ZNF185: variants seen among roughly 807,000 people sequenced by gnomAD.
ZNF185 encodes the protein zinc finger protein 185.
ZNF185 carries 56 observed loss-of-function variants against 58.6 expected under a neutral mutation model. That is an observed-to-expected ratio of 0.95 (90% CI 0.77 to 1.19). The LOEUF is 1.19. ZNF185 is among the 50% of genes most tolerant of loss of function. The probability of loss-of-function intolerance (pLI) is 0.00; values close to 1 mark genes in which losing one functional copy is unlikely to be tolerated. For missense variants in ZNF185, 627 were observed against 573.5 expected (o/e 1.09, Z -0.95); for synonymous variants, 230 against 215.9 (o/e 1.07, Z -0.57).
the ZNF185 span, among the ~76,000 whole-genome samples, chrX:152,899,079 T>C: frequency 1.8e-5 from 2 of 111,235 alleles, no homozygotes; most frequent in Admixed American, 9.4e-5. Flanking sequence ...ATCTGAGGCA[T>C]GGTAGGAGTT....
At chrX:152,965,670 C>T in intron 19 of ZNF185, 143 bp downstream of exon 21, 1 of 483,387 alleles carries the variant, frequency 2.1e-6, no homozygotes, top group African/African-American at 2.4e-5. Context: ...GATGTAGTTG[C>T]CCTCTGATGG....
intron 1 of ZNF185, 37 bp from the exon 3 acceptor site, chrX:152,914,673 A>G (rs1569490073): frequency 8.4e-7 from 1 of 1,194,186 alleles, no homozygotes; most frequent in Non-Finnish European, 1.1e-6. Context: ...CTGGGGCTGC[A>G]TTCCTCTTCT....
the ZNF185 span, among the ~76,000 whole-genome samples, chrX:152,903,388 C>CAAAAAAAAA: frequency 2.2e-4 from 8 of 35,861 alleles, no homozygotes; most frequent in African/African-American, 1.0e-3. Flanking sequence ...AGACTCGTCT[C>CAAAAAAAAA]AAAAAAAAAA....
intron 6 of ZNF185, 85 bp downstream of exon 7, chrX:152,918,239 C>T (rs1358240719): frequency 8.9e-5 from 95 of 1,063,655 alleles, no homozygotes; most frequent in Non-Finnish European, 1.2e-4. Flanking sequence ...CAGCTGACTA[C>T]TTGCCACCGA....
intron 16 of ZNF185, among the ~76,000 whole-genome samples, chrX:152,955,098 G>A (rs782129567): frequency 2.7e-5 from 3 of 111,826 alleles, no homozygotes; most frequent in South Asian, 3.7e-4. Context: ...AAGTATGGCC[G>A]CTGGGATTGG....
intron 17 of ZNF185, among the ~76,000 whole-genome samples, chrX:152,962,255 G>T (rs1190673897): frequency 9.0e-6 from 1 of 110,515 alleles, no homozygotes; most frequent in African/African-American, 3.3e-5. Context: ...GGCTCCTATT[G>T]CTCACATTGC....
Position 152,914,700 on chromosome X carries a change from C to G in ZNF185, c.35-10C>G. On this transcript the variant is annotated splice_polypyrimidine_tract_variant and intron_variant, in intron 1 of 22. Coordinates refer to ENST00000449285, the Ensembl canonical transcript of ZNF185. The stretch of plus-strand genomic sequence containing the variant: ...TCCTCTTCTGAGGCGGTTGGCTTTT[C>G]CCACCACAGGGAAGCCTCTGCCACC... 8.4e-7 allele frequency: 1 copy of G among 1,195,647 alleles called. No homozygotes were observed. Among genetic ancestry groups the G allele is most frequent in the South Asian group, 1.8e-5 (1 of 55,047 alleles).
chrX:152,966,085 A>G (rs12840569), intron 19 of ZNF185, among the ~76,000 whole-genome samples: 36,702 of 108,508 alleles, frequency 0.34, 4,726 homozygotes, highest in African/African-American at 0.46. Context: ...TCAGCTCACC[A>G]CAACCTCTGC....
chrX:152,954,783 T>G (rs1603298110), intron 16 of ZNF185, among the ~76,000 whole-genome samples: 1 of 111,863 alleles, frequency 8.9e-6, no homozygotes, highest in African/African-American at 3.2e-5. Context: ...ATGAGACATG[T>G]AAGAGGTGAG....
the ZNF185 span, among the ~76,000 whole-genome samples, chrX:152,900,945 G>A: frequency 8.9e-6 from 1 of 112,540 alleles, no homozygotes; most frequent in Admixed American, 9.3e-5. Context: ...TGCACTGGGT[G>A]CCTGCAAGTG....
rs782002602 is a variant in ZNF185 at position 152,938,160 on chromosome X, AG to A, written c.1211+1del. 2.4e-5 allele frequency: 28 copies of A among 1,179,680 alleles called. No individual in the cohort carries two copies. Among genetic ancestry groups the A allele is most frequent in the Non-Finnish European group, 2.8e-5 (25 of 879,125 alleles). The stretch of plus-strand genomic sequence containing the variant: ...CAGGAGGATGCAAAGGCAGACCCAA[AG>A]GGGTAAGGCATGAGCAGACAGTGCT... On this transcript the variant is annotated frameshift_variant and splice_region_variant, in exon 15 of 23. Transcript: ENST00000449285. LOFTEE classifies it high-confidence loss of function.
chrX:152,906,839 A>G, the ZNF185 span, among the ~76,000 whole-genome samples: 1 of 110,633 alleles, frequency 9.0e-6, no homozygotes, highest in Non-Finnish European at 1.9e-5. Context: ...GCACACATGC[A>G]CTGAGACAAG....
At chrX:152,959,757 G>T (rs782269431) in exon 17 of ZNF185, 1 of 1,211,842 alleles carries the variant, frequency 8.3e-7, no homozygotes, top group South Asian at 1.8e-5. Context: ...GGCCTGGCAG[G>T]ACAGGCCTGG....
At chrX:152,922,145 C>A (rs1215429495) in intron 9 of ZNF185, 28 bp from the exon 11 acceptor site, 2 of 1,172,813 alleles carry the variant, frequency 1.7e-6, no homozygotes, top group East Asian at 6.3e-5. Context: ...AAGAAGACCA[C>A]GAGCGCTGTT....
At chrX:152,941,726 G>GCTCGGC (rs1556889822) in intron 15 of ZNF185, 1 of 1,164,533 alleles carries the variant, frequency 8.6e-7, no homozygotes, top group East Asian at 3.3e-5. Flanking sequence ...CCCGGGACGA[G>GCTCGGC]CTCGGCCTCG....
At chrX:152,959,089 A>G (rs985789035) in intron 16 of ZNF185, among the ~76,000 whole-genome samples, 8 of 112,648 alleles carry the variant, frequency 7.1e-5, no homozygotes, top group African/African-American at 1.9e-4. Flanking sequence ...GAGGATCACA[A>G]ATGGGTCTAG....
chrX:152,914,064 C>G (rs12558122), upstream of ZNF185, among the ~76,000 whole-genome samples: 31,352 of 109,714 alleles, frequency 0.29, 3,571 homozygotes, highest in African/African-American at 0.34. Context: ...GATGCACTCT[C>G]TCCCACCCTC....
At chrX:152,914,769 C>G (rs374950247) in exon 2 of ZNF185, 1 of 1,192,066 alleles carries the variant, frequency 8.4e-7, no homozygotes, top group Non-Finnish European at 1.1e-6. Flanking sequence ...GATGAAAGTG[C>G]GAACCACGCT....
the ZNF185 span, among the ~76,000 whole-genome samples, chrX:152,907,159 C>T: frequency 1.8e-5 from 2 of 111,645 alleles, no homozygotes; most frequent in African/African-American, 6.5e-5. Context: ...TTTCTCCTGC[C>T]GCTCCCGTCT....
Sources: gnomAD v4.1 joint callset for allele counts (sites outside exome capture counted in the v4.1 genomes callset) on GRCh38, gnomAD v4.1.1 for gene constraint, MANE v1.5 for transcripts, NCBI Gene and HGNC (gene_info 2026-07-23, HGNC 2026-07-21) for gene names.